Variants in AKAP13 observed in about 807,000 individuals in gnomAD.
AKAP13 encodes A-kinase anchor protein 13.
AKAP13 carries 80 observed loss-of-function variants against 264.5 expected under a neutral mutation model. The observed-to-expected ratio is 0.30, with a 90% CI of 0.25 to 0.36. AKAP13 has a LOEUF of 0.36. Ranked by LOEUF, AKAP13 falls within the 10% of genes least tolerant of loss-of-function variation. The pLI, the probability that AKAP13 is intolerant of heterozygous loss-of-function variation, is 1.00. For synonymous variants in AKAP13, 1,380 were observed against 1,250.2 expected, an observed-to-expected ratio of 1.10 and a Z score of -2.19; for missense variants, 3,712 against 3,435.2, an observed-to-expected ratio of 1.08 and a Z score of -2.01.
intron 18 of AKAP13, among the ~76,000 whole-genome samples, chr15:85,709,315 A>G (rs950842794): frequency 6.6e-6 from 1 of 152,054 alleles, no homozygotes; most frequent in African/African-American, 2.4e-5. Context: ...TATAGTCTGT[A>G]TCTTCCCCCC....
At position 85,743,550 on chromosome 15, in the gene AKAP13, A is replaced by G. The variant is rs139651314; in HGVS notation, c.8117A>G (p.Glu2706Gly). 136 of 1,614,184 alleles carry G rather than the reference A, an allele frequency of 8.4e-5. No individual in the cohort carries two copies. The African/African-American group carries it at 1.2e-3, about 14-fold the overall frequency. ...RIPSFFPSPE[E>G]PPSPSAPSIA... Reference sequence around the variant, plus strand: ...CCATCGTTCTTCCCCAGTCCTGAGGAGCCCCCCTCGCCATCTGCACCTTCC... The same window carrying G: ...CCATCGTTCTTCCCCAGTCCTGAGGGGCCCCCCTCGCCATCTGCACCTTCC... The change falls in exon 36 of 37, where the codon GAG becomes GGG. Residue 2706 changes from glutamate to glycine, a missense_variant. This residue lies in a region of AKAP13 where 611 missense variants were observed against 539.3 expected (regional missense o/e 1.13). Transcript: ENST00000394518.
At chr15:85,585,925 A>G in intron 8 of AKAP13, 102 bp downstream of exon 8, 1 of 1,468,298 alleles carries the variant, frequency 6.8e-7, no homozygotes, top group African/African-American at 1.4e-5. Flanking sequence ...AAGTGGGCAA[A>G]ATAGTATTTT....
At chr15:85,714,771 A>C (rs1052948550) in intron 19 of AKAP13, among the ~76,000 whole-genome samples, 8 of 152,184 alleles carry the variant, frequency 5.3e-5, no homozygotes, top group African/African-American at 1.9e-4. Flanking sequence ...GTTTGAGACC[A>C]GTCTGGCCAA....
chr15:85,520,498 C>CAAA (rs71468111), intron 2 of AKAP13, among the ~76,000 whole-genome samples: 43 of 71,218 alleles, frequency 6.0e-4, no homozygotes, highest in Middle Eastern at 7.8e-3. Flanking sequence ...AACTCCGTCT[C>CAAA]AAAAAAAAAA....
intron 16 of AKAP13, among the ~76,000 whole-genome samples, chr15:85,692,226 G>A (rs531651040): frequency 8.5e-5 from 13 of 152,256 alleles, no homozygotes; most frequent in African/African-American, 3.1e-4. Flanking sequence ...TGTTGGCTTA[G>A]GAGAATAATG....
intron 8 of AKAP13, chr15:85,624,775 A>C (rs1222108446): frequency 1.3e-5 from 2 of 152,244 alleles, no homozygotes; most frequent in Non-Finnish European, 2.9e-5. Context: ...GCCAGAAACA[A>C]AGACAATTCC....
chr15:85,400,256 T>A (rs2071358744), intron 1 of AKAP13, among the ~76,000 whole-genome samples: 2 of 151,934 alleles, frequency 1.3e-5, no homozygotes, highest in Non-Finnish European at 2.9e-5. Flanking sequence ...AAATAAAAAT[T>A]AAAAAATTAG....
chr15:85,405,100 T>C (rs2071601890), intron 1 of AKAP13, among the ~76,000 whole-genome samples: 1 of 152,214 alleles, frequency 6.6e-6, no homozygotes, highest in Non-Finnish European at 1.5e-5. Flanking sequence ...ATGTGACTTC[T>C]AAGTCTAGAG....
chr15:85,703,911 G>A (rs1335222608), intron 17 of AKAP13, among the ~76,000 whole-genome samples: 1 of 150,868 alleles, frequency 6.6e-6, no homozygotes, highest in African/African-American at 2.4e-5. Flanking sequence ...TGAGAGACAG[G>A]GTCTCTGTTA....
intron 2 of AKAP13, among the ~76,000 whole-genome samples, chr15:85,492,019 G>A (rs780476095): frequency 1.3e-5 from 2 of 152,110 alleles, no homozygotes; most frequent in Non-Finnish European, 2.9e-5. Context: ...ACCCAGAAAT[G>A]GTTACTCTGA....
intron 1 of AKAP13, among the ~76,000 whole-genome samples, chr15:85,384,934 G>T (rs1052824257): frequency 6.6e-6 from 1 of 152,178 alleles, no homozygotes; most frequent in African/African-American, 2.4e-5. Flanking sequence ...ATGAACATTT[G>T]TGTGGGGCAA....
intron 1 of AKAP13, among the ~76,000 whole-genome samples, chr15:85,427,628 T>A (rs1298635220): frequency 6.6e-6 from 1 of 152,226 alleles, no homozygotes; most frequent in African/African-American, 2.4e-5. Context: ...TCAAATTTGT[T>A]CATTTTATTG....
intron 8 of AKAP13, among the ~76,000 whole-genome samples, chr15:85,606,116 T>TTTTTTTTTTTTG (rs1397739820): frequency 7.1e-6 from 1 of 141,664 alleles, no homozygotes; most frequent in African/African-American, 2.8e-5. Flanking sequence ...TTTTTTTTTT[T>TTTTTTTTTTTTG]GTTGAGATGT....
At chr15:85,738,059 T>G (rs1009655918) in intron 33 of AKAP13, among the ~76,000 whole-genome samples, 1 of 152,178 alleles carries the variant, frequency 6.6e-6, no homozygotes, top group Non-Finnish European at 1.5e-5. Flanking sequence ...TATAAATGCT[T>G]AGCTAGAGTC....
In AKAP13 at chr15:85,687,230, C is replaced by T. The variant is rs114839717; in HGVS notation, c.5289+2357C>T. Reference sequence around the variant, plus strand: ...TTCATGTCACACAACCTCACACAACCTCACACAACCTCCTGTTATCTGACT... The same window carrying T: ...TTCATGTCACACAACCTCACACAACTTCACACAACCTCCTGTTATCTGACT... On this transcript the variant is annotated intron_variant, in intron 16 of 36. Transcript: ENST00000394518. 6.2e-3 allele frequency among the ~76,000 whole-genome samples: 945 copies of T among 152,280 alleles called. 10 individuals are homozygous for T. Among genetic ancestry groups the T allele is most frequent in the African/African-American group, 0.021 (888 of 41,572 alleles).
chr15:85,593,903 A>T (rs1305929725), intron 8 of AKAP13, among the ~76,000 whole-genome samples: 1 of 152,228 alleles, frequency 6.6e-6, no homozygotes. Flanking sequence ...GCCAACTACC[A>T]GCTGAATAAT....
intron 10 of AKAP13, among the ~76,000 whole-genome samples, chr15:85,650,789 A>AAAC (rs1567175502): frequency 1.8e-4 from 21 of 116,812 alleles, no homozygotes; most frequent in Non-Finnish European, 3.6e-4. Flanking sequence ...AAAAAAAAAA[A>AAAC]ACAACAAAAA....
chr15:85,447,674 A>G (rs1012385618), intron 1 of AKAP13, among the ~76,000 whole-genome samples: 1 of 152,194 alleles, frequency 6.6e-6, no homozygotes, highest in Non-Finnish European at 1.5e-5. Context: ...CTCCAGCTTC[A>G]TCCATGTTCC....
intron 5 of AKAP13, chr15:85,555,610 G>T (rs556896350): frequency 1.7e-6 from 1 of 601,074 alleles, no homozygotes; most frequent in South Asian, 1.5e-5. Context: ...TGAAGGACTT[G>T]TGTTGTTAGG....
Sources: gnomAD v4.1 joint callset for allele counts (sites outside exome capture counted in the v4.1 genomes callset) on GRCh38, gnomAD v4.1.1 for gene constraint, gnomAD v4.1.1 regional missense constraint, MANE v1.5 for transcripts, NCBI Gene and HGNC (gene_info 2026-07-23, HGNC 2026-07-21) for gene names.